TLN2: variants seen among roughly 807,000 people sequenced by gnomAD.
TLN2 encodes talin 2, also known as talin-2.
TLN2 carries 118 observed loss-of-function variants against 294.7 expected under a neutral mutation model. The ratio of observed to expected loss-of-function variants is 0.40; its 90% CI spans 0.34 to 0.47. The LOEUF (loss-of-function observed/expected upper bound fraction) is 0.47, where lower values mean the gene tolerates loss of function less well. Ranked by LOEUF, TLN2 falls within the 20% of genes least tolerant of loss-of-function variation. TLN2 has a pLI of 0.84. For synonymous variants in TLN2, 1,431 were observed against 1,304.5 expected, an observed-to-expected ratio of 1.10 and a Z score of -2.09; for missense variants, 3,083 against 3,282.2, an observed-to-expected ratio of 0.94 and a Z score of 1.48.
At chr15:62,813,637 G>A (rs1040669765) in intron 52 of TLN2, among the ~76,000 whole-genome samples, 2 of 152,120 alleles carry the variant, frequency 1.3e-5, no homozygotes, top group African/African-American at 4.8e-5. Flanking sequence ...TAGGATCACG[G>A]TAATGCTATT....
chr15:62,398,782 A>G (rs528180992), intron 1 of TLN2, among the ~76,000 whole-genome samples: 1 of 152,336 alleles, frequency 6.6e-6, no homozygotes, highest in South Asian at 2.1e-4. Flanking sequence ...TCTAAGCAGC[A>G]GAGCATTTAG....
intron 54 of TLN2, among the ~76,000 whole-genome samples, chr15:62,823,726 A>T (rs1428039163): frequency 1.3e-5 from 2 of 152,188 alleles, no homozygotes; most frequent in African/African-American, 4.8e-5. Context: ...TTTGCCTGGG[A>T]TCTCCCAGAC....
chr15:62,611,213 C>T (rs2047887434), intron 2 of TLN2, among the ~76,000 whole-genome samples: 1 of 151,782 alleles, frequency 6.6e-6, no homozygotes, highest in Non-Finnish European at 1.5e-5. Context: ...CAAGTGTCAT[C>T]AAAATTAAGA....
In TLN2 at chr15:62,655,981, A is replaced by G. The variant is rs1567276431; in HGVS notation, c.555A>G (p.Gln185=). 6.2e-7 allele frequency: 1 copy of G among 1,614,248 alleles called. No individual in the cohort carries two copies. Residue 185 remains glutamine, a synonymous_variant, in exon 8 of 59, where the codon CAA becomes CAG. Coordinates refer to ENST00000636159, the MANE Select transcript of TLN2 (RefSeq NM_015059.3). ...ATCACAGCCGAACATTCAGAGAACA[A>G]GGAGTAGATGAAAACGAAACGTTGC... ...WLDHSRTFRE[Q]GVDENETLLL... is the part of the protein sequence containing the mutation.
chr15:62,473,894 G>T (rs999813870), intron 1 of TLN2, among the ~76,000 whole-genome samples: 1 of 152,186 alleles, frequency 6.6e-6, no homozygotes, highest in African/African-American at 2.4e-5. Flanking sequence ...AGGAGTTCGA[G>T]ACCAGCCTGG....
chr15:62,645,438 A>G (rs938842000), intron 3 of TLN2: 1 of 152,246 alleles, frequency 6.6e-6, no homozygotes, highest in African/African-American at 2.4e-5. Flanking sequence ...TTCATTCAGA[A>G]TGCAAGCAGG....
At chr15:62,686,866 A>T (rs1282694076) in intron 12 of TLN2, 70 bp downstream of exon 12, 1 of 1,571,534 alleles carries the variant, frequency 6.4e-7, no homozygotes, top group Non-Finnish European at 8.6e-7. Flanking sequence ...CAGGAGAAAG[A>T]CCAGATTCTT....
intron 12 of TLN2, among the ~76,000 whole-genome samples, chr15:62,689,218 C>A (rs1456323474): frequency 1.3e-5 from 2 of 152,054 alleles, no homozygotes; most frequent in African/African-American, 4.8e-5. Context: ...AAATTAAACA[C>A]AGTCTACTGG....
intron 2 of TLN2, among the ~76,000 whole-genome samples, chr15:62,598,736 A>G (rs1471648858): frequency 6.6e-6 from 1 of 151,768 alleles, no homozygotes; most frequent in African/African-American, 2.4e-5. Flanking sequence ...AGAGAAATGG[A>G]ATTTTCTCTC....
At chr15:62,570,347 G>C (rs1322419950) in intron 1 of TLN2, among the ~76,000 whole-genome samples, 1 of 152,138 alleles carries the variant, frequency 6.6e-6, no homozygotes, top group Non-Finnish European at 1.5e-5. Flanking sequence ...TTGGAAAAAA[G>C]CAAATATTTG....
chr15:62,425,719 C>T (rs1226102418), intron 1 of TLN2, among the ~76,000 whole-genome samples: 1 of 152,130 alleles, frequency 6.6e-6, no homozygotes, highest in Non-Finnish European at 1.5e-5. Context: ...TTAATTTCAC[C>T]TCGTGCAAGT....
intron 19 of TLN2, among the ~76,000 whole-genome samples, chr15:62,703,785 C>T (rs1175783406): frequency 6.6e-6 from 1 of 151,986 alleles, no homozygotes; most frequent in South Asian, 2.1e-4. Flanking sequence ...TGGTGCTTGC[C>T]CTCTGGGGAG....
intron 9 of TLN2, among the ~76,000 whole-genome samples, chr15:62,663,683 C>G (rs1324813385): frequency 6.6e-6 from 1 of 151,770 alleles, no homozygotes; most frequent in Non-Finnish European, 1.5e-5. Context: ...ATAGTAGTTA[C>G]AAAAAGTATA....
intron 1 of TLN2, among the ~76,000 whole-genome samples, chr15:62,486,846 A>G (rs1308235732): frequency 1.3e-5 from 2 of 150,714 alleles, no homozygotes; most frequent in African/African-American, 2.5e-5. Context: ...GGATTTTCCT[A>G]AAGTGGGCAT....
At chr15:62,644,263 C>T (rs1395113087) in intron 3 of TLN2, among the ~76,000 whole-genome samples, 2 of 150,488 alleles carry the variant, frequency 1.3e-5, no homozygotes, top group African/African-American at 2.4e-5. Flanking sequence ...TACATGCGAT[C>T]TCTCCCTTCT....
At chr15:62,749,972 T>C (rs1234502412) in intron 33 of TLN2, among the ~76,000 whole-genome samples, 1 of 152,190 alleles carries the variant, frequency 6.6e-6, no homozygotes, top group East Asian at 1.9e-4. Flanking sequence ...GTTCCAAAAT[T>C]GGAAAAACTG....
chr15:62,818,450 G>A (rs918550425), intron 52 of TLN2, among the ~76,000 whole-genome samples: 14 of 152,224 alleles, frequency 9.2e-5, no homozygotes, highest in African/African-American at 3.1e-4. Context: ...GGAAGATGGG[G>A]AAGAGCTCTT....
rs763327730 is a variant in TLN2 at position 62,701,167 on chromosome 15, T to C, written c.1649T>C (p.Val550Ala). The C allele has an allele frequency of 6.2e-7, 1 of 1,614,042 alleles. No homozygotes were observed. The highest frequency in any genetic ancestry group is 1.3e-5 in the African/African-American group (1 of 74,924). The change falls in exon 17 of 59, where the codon GTT becomes GCT. Residue 550 changes from valine (V) to alanine (A), a missense_variant. By Grantham distance (64) the Val-to-Ala change is moderately conservative. Coordinates refer to ENST00000636159, the MANE Select transcript of TLN2 (RefSeq NM_015059.3). ...TCCAAACACGAAATCCATTCTCAAG[T>C]TGATGCTATCACGGCCGGAACGGCT... is the stretch of plus-strand genomic sequence containing the variant. Reference protein sequence around the residue: ...DESKHEIHSQVDAITAGTASV... With the variant: ...DESKHEIHSQADAITAGTASV...
intron 1 of TLN2, among the ~76,000 whole-genome samples, chr15:62,437,235 A>T (rs1044870583): frequency 1.3e-5 from 2 of 152,158 alleles, no homozygotes; most frequent in East Asian, 3.8e-4. Flanking sequence ...AGCCTGCTAG[A>T]GGTCTAGGAA....
Sources: allele counts gnomAD v4.1 joint callset (sites outside exome capture counted in the v4.1 genomes callset), GRCh38; gene constraint gnomAD v4.1.1; transcripts MANE v1.5; gene names NCBI Gene and HGNC (gene_info 2026-07-23, HGNC 2026-07-21).